The following GALNT13 variants were observed in gnomAD, a reference collection of about 807,000 sequenced individuals.
GALNT13 encodes UDP-GalNAc:polypeptide N-acetylgalactosaminyltransferase 13.
GALNT13 carries 28 observed loss-of-function variants against 64.2 expected under a neutral mutation model. That is an observed-to-expected ratio of 0.44 (90% CI 0.32 to 0.60). The LOEUF (loss-of-function observed/expected upper bound fraction) is 0.60, where lower values mean the gene tolerates loss of function less well. GALNT13 is among the 20% of genes least tolerant of loss of function. GALNT13 has a pLI of 0.05. For synonymous variants in GALNT13, 214 were observed against 224.6 expected (o/e 0.95, Z 0.42); for missense variants, 577 against 669.8 (o/e 0.86, Z 1.53).
chr2:154,444,706 T>C (rs550938261), intron 12 of GALNT13, among the ~76,000 whole-genome samples: 3 of 152,118 alleles, frequency 2.0e-5, no homozygotes, highest in Non-Finnish European at 4.4e-5. Flanking sequence ...CAGAGATATT[T>C]GCCATGTGTT....
At chr2:153,863,392 A>G in the GALNT13 span, among the ~76,000 whole-genome samples, 2 of 152,142 alleles carry the variant, frequency 1.3e-5, no homozygotes, top group African/African-American at 2.4e-5. Flanking sequence ...TGTCTTAGGA[A>G]GTTAGAGTGA....
At chr2:153,872,739 GCGTTGCGGGCGTTTCTAC>G (rs1686066284) in intron 1 of GALNT13, among the ~76,000 whole-genome samples, 2 of 151,956 alleles carry the variant, frequency 1.3e-5, no homozygotes, top group East Asian at 4.0e-4. Flanking sequence ...AGCCCCGGCT[GCGTTGCGGGCGTTTCTAC>G]TCGACCCGAC....
chr2:153,243,034 A>G, the GALNT13 span, among the ~76,000 whole-genome samples: 1 of 152,222 alleles, frequency 6.6e-6, no homozygotes, highest in East Asian at 1.9e-4. Flanking sequence ...AATATACTTT[A>G]AGGGATGGCT....
the GALNT13 span, among the ~76,000 whole-genome samples, chr2:153,770,152 T>A: frequency 6.7e-6 from 1 of 150,346 alleles, no homozygotes; most frequent in Non-Finnish European, 1.5e-5. Context: ...TTCCTATTTT[T>A]AGAGTTCCCA....
At chr2:153,814,468 AAT>A in the GALNT13 span, among the ~76,000 whole-genome samples, 2 of 19,822 alleles carry the variant, frequency 1.0e-4, no homozygotes, top group African/African-American at 2.9e-4. Flanking sequence ...TAAGTAAGTA[AAT>A]AAATAAATAA....
chr2:154,074,459 G>C (rs1488255265), intron 3 of GALNT13, among the ~76,000 whole-genome samples: 1 of 151,850 alleles, frequency 6.6e-6, no homozygotes, highest in Non-Finnish European at 1.5e-5. Flanking sequence ...ACTTGTTGAG[G>C]TAGATACTAT....
At chr2:153,560,267 CA>C in the GALNT13 span, among the ~76,000 whole-genome samples, 1 of 151,958 alleles carries the variant, frequency 6.6e-6, no homozygotes, top group Non-Finnish European at 1.5e-5. Flanking sequence ...GAAATATATA[CA>C]TTTTTCAAGG....
the GALNT13 span, among the ~76,000 whole-genome samples, chr2:153,082,902 C>G: frequency 1.3e-5 from 2 of 151,334 alleles, no homozygotes; most frequent in Non-Finnish European, 2.9e-5. Context: ...AGTCTCGGCT[C>G]ACTGCAACCT....
chr2:154,127,266 G>T (rs961906201), intron 3 of GALNT13, among the ~76,000 whole-genome samples: 1 of 152,076 alleles, frequency 6.6e-6, no homozygotes, highest in Non-Finnish European at 1.5e-5. Context: ...TATTAAAGCT[G>T]TTTTAAAAAG....
chr2:154,063,363 C>T (rs1300477013), intron 3 of GALNT13, among the ~76,000 whole-genome samples: 5 of 152,064 alleles, frequency 3.3e-5, no homozygotes, highest in African/African-American at 1.2e-4. Flanking sequence ...CATTGATAAC[C>T]TCTACTGTCC....
intron 7 of GALNT13, among the ~76,000 whole-genome samples, chr2:154,258,517 C>T (rs1309337130): frequency 2.0e-5 from 3 of 151,858 alleles, no homozygotes; most frequent in Non-Finnish European, 4.4e-5. Context: ...TTGTAACTAT[C>T]GCTAGATACT....
At chr2:153,141,714 C>T in the GALNT13 span, among the ~76,000 whole-genome samples, 9 of 152,072 alleles carry the variant, frequency 5.9e-5, no homozygotes, top group East Asian at 2.0e-4. Context: ...CCACTAGTTA[C>T]GACTGTTTTG....
chr2:153,669,029 A>G, the GALNT13 span, among the ~76,000 whole-genome samples: 3 of 152,112 alleles, frequency 2.0e-5, no homozygotes, highest in African/African-American at 4.8e-5. Flanking sequence ...GTCTTTCCCA[A>G]GGACCCAGCT....
intron 9 of GALNT13, among the ~76,000 whole-genome samples, chr2:154,387,577 C>T (rs1245967498): frequency 1.3e-5 from 2 of 152,098 alleles, no homozygotes; most frequent in Non-Finnish European, 2.9e-5. Context: ...CCTCATTCCT[C>T]CCTCCTCATG....
chr2:154,352,282 T>TG (rs1696457679), intron 9 of GALNT13, among the ~76,000 whole-genome samples: 10 of 152,308 alleles, frequency 6.6e-5, no homozygotes, highest in Admixed American at 6.5e-4. Flanking sequence ...GCAGTTGGCC[T>TG]CCCATAGCTC....
chr2:154,339,789 T>G (rs1175202233), intron 9 of GALNT13, among the ~76,000 whole-genome samples: 4 of 152,234 alleles, frequency 2.6e-5, no homozygotes, highest in African/African-American at 9.6e-5. Context: ...ATAATCAATT[T>G]TGGTTCCTGA....
the GALNT13 span, among the ~76,000 whole-genome samples, chr2:153,252,996 A>G: frequency 2.3e-4 from 35 of 151,568 alleles, no homozygotes; most frequent in African/African-American, 8.3e-4. Flanking sequence ...GTTTTTTCCA[A>G]TTCTGTGAAG....
the GALNT13 span, among the ~76,000 whole-genome samples, chr2:153,122,428 TG>T: frequency 6.6e-6 from 1 of 152,172 alleles, no homozygotes; most frequent in African/African-American, 2.4e-5. Flanking sequence ...GTTGAAGAAA[TG>T]GAGGTTCAGA....
At chr2:153,245,380 C>A in the GALNT13 span, among the ~76,000 whole-genome samples, 9 of 152,314 alleles carry the variant, frequency 5.9e-5, no homozygotes, top group African/African-American at 2.2e-4. Flanking sequence ...ACACCTCATA[C>A]AGGAGAGCTC....
Sources: gnomAD v4.1 joint callset for allele counts (sites outside exome capture counted in the v4.1 genomes callset) on GRCh38, gnomAD v4.1.1 for gene constraint, MANE v1.5 for transcripts, NCBI Gene and HGNC (gene_info 2026-07-23, HGNC 2026-07-21) for gene names.